Variants in TTC7A observed in about 807,000 individuals in gnomAD.
TTC7A encodes tetratricopeptide repeat domain 7A.
In TTC7A, 110 loss-of-function variants were observed where a neutral mutation model predicts 103.7. The ratio of observed to expected loss-of-function variants is 1.06; its 90% CI spans 0.91 to 1.24. TTC7A has a LOEUF of 1.24. Among genes scored for constraint, TTC7A ranks in the 50% most tolerant of loss-of-function variants. The probability of loss-of-function intolerance (pLI) is 0.00; values close to 1 mark genes in which losing one functional copy is unlikely to be tolerated. For missense variants in TTC7A, 1,340 were observed against 1,116.3 expected (o/e 1.20, Z -2.86); for synonymous variants, 521 against 467.9 (o/e 1.11, Z -1.47).
chr2:46,970,813 C>T lies in TTC7A; in HGVS notation c.518-4160C>T, dbSNP rs1467534532. On this transcript the variant is annotated intron_variant, in intron 3 of 19. Coordinates refer to ENST00000319190, the MANE Select transcript of TTC7A (RefSeq NM_020458.4). ...GTCCTCTGGAATAAGGATCCTCCCC[C>T]TCCTGGTTGTGAGTCATTTGGCAGT... Among the ~76,000 whole-genome samples the T allele has an allele frequency of 1.3e-5, 2 of 152,352 alleles. 1 individual carries two copies. The highest frequency in any genetic ancestry group is 4.1e-4 in the South Asian group (2 of 4,824).
intron 5 of TTC7A, among the ~76,000 whole-genome samples, chr2:46,985,873 C>T (rs545896414): frequency 2.6e-5 from 4 of 152,296 alleles, no homozygotes; most frequent in African/African-American, 9.6e-5. Flanking sequence ...TACCTTAGCC[C>T]AGGGTTTCTC....
intron 12 of TTC7A, 116 bp downstream of exon 12, chr2:47,022,095 C>G: frequency 1.4e-6 from 1 of 695,902 alleles, no homozygotes; most frequent in Non-Finnish European, 2.5e-6. Context: ...CCATAGACAC[C>G]ATGCACTCCT....
chr2:47,003,966 C>T (rs1223638226), intron 8 of TTC7A, among the ~76,000 whole-genome samples: 1 of 152,202 alleles, frequency 6.6e-6, no homozygotes, highest in East Asian at 1.9e-4. Context: ...CAACCCTCTC[C>T]CTAGAATTTC....
At chr2:46,917,426 A>T in intron 2 of TTC7A, 1 of 561,132 alleles carries the variant, frequency 1.8e-6, no homozygotes, top group Non-Finnish European at 3.1e-6. Context: ...CCATCTCTTC[A>T]TCCATTCATC....
At chr2:47,038,354 AC>A (rs1437831323) in intron 15 of TTC7A, among the ~76,000 whole-genome samples, 1 of 151,890 alleles carries the variant, frequency 6.6e-6, no homozygotes, top group Non-Finnish European at 1.5e-5. Flanking sequence ...TCAGACTTGG[AC>A]CCTGCTTTTC....
intron 3 of TTC7A, 145 bp from the exon 4 acceptor site, chr2:46,974,828 T>A: frequency 9.6e-6 from 11 of 1,146,684 alleles, no homozygotes; most frequent in Admixed American, 2.1e-5. Context: ...TTCAGCTTCC[T>A]CCCTCCCCTC....
chr2:47,023,318 G>T (rs888175012), intron 12 of TTC7A, 90 bp from the exon 13 acceptor site: 28 of 1,404,548 alleles, frequency 2.0e-5, no homozygotes, highest in Non-Finnish European at 2.7e-5. Context: ...GCCTTTATCT[G>T]CAGAGCTGTG....
intron 19 of TTC7A, among the ~76,000 whole-genome samples, chr2:47,072,034 C>G (rs534290977): frequency 6.6e-6 from 1 of 152,150 alleles, no homozygotes; most frequent in East Asian, 1.9e-4. Context: ...GGCGGCCCGT[C>G]GGCTGGCCTC....
chr2:47,073,903 A>C lies in TTC7A; in HGVS notation c.2557A>C (p.Ile853Leu). The C allele has an allele frequency of 1.2e-6, 2 of 1,612,708 alleles. No homozygotes were observed. Among genetic ancestry groups the C allele is most frequent in the Non-Finnish European group, 8.5e-7 (1 of 1,179,882 alleles). ...EASSPVLPFS[I>L]IPREL ...CAGCAGCCCTGTACTGCCCTTCTCC[A>C]TCATCCCCAGAGAGCTCTGACGACG... is the stretch of plus-strand genomic sequence containing the variant. The change falls in exon 20 of 20, where the codon ATC (isoleucine) becomes CTC (leucine). Residue 853 changes from isoleucine (I) to leucine (L), a missense_variant. By Grantham distance (5) the Ile-to-Leu change is conservative (BLOSUM62 2). Transcript: ENST00000319190.
rs144601669 is a variant in TTC7A, at chr2:46,970,812, C to G, written c.518-4161C>G. Among the ~76,000 whole-genome samples the G allele has an allele frequency of 2.9e-3, 442 of 152,340 alleles. 1 individual carries two copies. Among genetic ancestry groups the G allele is most frequent in the African/African-American group, 0.01 (426 of 41,566 alleles). On this transcript the variant is annotated intron_variant, in intron 3 of 19. Transcript: ENST00000319190. ...AGTCCTCTGGAATAAGGATCCTCCC[C>G]CTCCTGGTTGTGAGTCATTTGGCAG...
chr2:46,949,086 G>A (rs1453773766), intron 1 of TTC7A, among the ~76,000 whole-genome samples: 1 of 152,154 alleles, frequency 6.6e-6, no homozygotes, highest in Non-Finnish European at 1.5e-5. Context: ...AAGAACCATG[G>A]TGAAACCATC....
intron 11 of TTC7A, among the ~76,000 whole-genome samples, chr2:47,017,668 C>T (rs1678819064): frequency 6.6e-6 from 1 of 152,212 alleles, no homozygotes; most frequent in Non-Finnish European, 1.5e-5. Context: ...ACCAGCTCAG[C>T]ATAGTGGACT....
At chr2:47,006,785 A>G in intron 10 of TTC7A, 61 bp downstream of exon 10, 1 of 1,347,544 alleles carries the variant, frequency 7.4e-7, no homozygotes, top group Non-Finnish European at 1.1e-6. Flanking sequence ...GCTGAGATGG[A>G]CAGAGGGGCT....
At chr2:47,069,472 A>G (rs1030815519) in intron 19 of TTC7A, among the ~76,000 whole-genome samples, 1 of 152,106 alleles carries the variant, frequency 6.6e-6, no homozygotes, top group Non-Finnish European at 1.5e-5. Flanking sequence ...TCTCAGCAGG[A>G]GCCTCTTCTT....
chr2:46,918,395 GC>G (rs778826837), intron 2 of TTC7A, among the ~76,000 whole-genome samples: 7 of 152,164 alleles, frequency 4.6e-5, no homozygotes, highest in Non-Finnish European at 1.0e-4. Context: ...AGATGATGCT[GC>G]TGGACTACTT....
rs1005292250 is a variant in TTC7A at position 46,948,962 on chromosome 2, T to C, written c.185-1401T>C. On this transcript the variant is annotated intron_variant, in intron 1 of 19. Transcript: ENST00000319190. ...ACTCTCGATCCTGATGGCTTCGCTG[T>C]GGGGTAGTTGAGAGGATCCAATTCA... Among the ~76,000 whole-genome samples the C allele has an allele frequency of 3.3e-5, 5 of 152,324 alleles. No homozygotes were observed. The South Asian group carries it at 1.0e-3, about 32-fold the overall frequency.
chr2:47,000,968 C>T (rs925363335), intron 8 of TTC7A, among the ~76,000 whole-genome samples: 1 of 152,058 alleles, frequency 6.6e-6, no homozygotes, highest in Non-Finnish European at 1.5e-5. Context: ...GGCACTTCCT[C>T]GGAGGTACCT....
At chr2:46,946,569 G>GT (rs1333501919) in intron 1 of TTC7A, among the ~76,000 whole-genome samples, 2 of 152,084 alleles carry the variant, frequency 1.3e-5, no homozygotes, top group Admixed American at 1.3e-4. Context: ...GACTCTAGGC[G>GT]TGTACCTCTA....
intron 8 of TTC7A, among the ~76,000 whole-genome samples, chr2:46,995,696 C>T (rs1440752362): frequency 1.3e-5 from 2 of 152,200 alleles, no homozygotes; most frequent in East Asian, 1.9e-4. Flanking sequence ...ACAATACTCA[C>T]AAAGGTAAGT....
Sources: gnomAD v4.1 joint callset for allele counts (sites outside exome capture counted in the v4.1 genomes callset) on GRCh38, gnomAD v4.1.1 for gene constraint, MANE v1.5 for transcripts, NCBI Gene and HGNC (gene_info 2026-07-23, HGNC 2026-07-21) for gene names.